PTGS1: variants seen among roughly 807,000 people sequenced by gnomAD.
PTGS1 encodes the protein prostaglandin G/H synthase 1.
A neutral mutation model predicts 63.0 loss-of-function variants in PTGS1; 40 were observed. That is an observed-to-expected ratio of 0.63 (90% CI 0.49 to 0.83). The LOEUF (loss-of-function observed/expected upper bound fraction) is 0.83, where lower values mean the gene tolerates loss of function less well. Among genes scored for constraint, PTGS1 ranks in the 40% least tolerant of loss-of-function variants. The pLI is 0.00. For synonymous variants in PTGS1, 298 were observed against 301.9 expected, an observed-to-expected ratio of 0.99 and a Z score of 0.13; for missense variants, 709 against 786.5, an observed-to-expected ratio of 0.90 and a Z score of 1.18.
rs1026557269 is a variant in PTGS1, at chr9:122,390,220, A to C, written c.1319A>C (p.Asp440Ala). The change falls in exon 10 of 11, where the codon GAC (aspartate) becomes GCC (alanine). Residue 440 changes from aspartate (D) to alanine (A), a missense_variant. Asp to Ala is a moderately radical substitution (Grantham distance 126, BLOSUM62 -2). Coordinates refer to ENST00000362012, the MANE Select transcript of PTGS1 (RefSeq NM_000962.4). The part of the protein sequence containing the change: ...AGRIGGGRNM[D>A]HHILHVAVDV... ...CAGATCGGTGGGGGCAGGAACATGG[A>C]CCACCACATCCTGCATGTGGCTGTG... 6.2e-7 allele frequency: 1 copy of C among 1,613,978 alleles called. No individual in the cohort carries two copies. Among genetic ancestry groups the C allele is most frequent in the African/African-American group, 1.3e-5 (1 of 75,008 alleles).
intron 8 of PTGS1, 112 bp downstream of exon 8, chr9:122,383,867 G>A (rs1452539582): frequency 2.1e-6 from 3 of 1,435,134 alleles, no homozygotes; most frequent in Admixed American, 2.1e-5. Flanking sequence ...TCACCCTTCT[G>A]CTTAGTGGCT....
chr9:122,371,120 A>C (rs373919739), intron 1 of PTGS1, 29 bp downstream of exon 1: 1 of 1,605,274 alleles, frequency 6.2e-7, no homozygotes, highest in Non-Finnish European at 8.5e-7. Flanking sequence ...CCCGGTGGGG[A>C]ATTTTCTTGG....
intron 9 of PTGS1, among the ~76,000 whole-genome samples, chr9:122,388,185 T>G (rs1330796038): frequency 6.6e-6 from 1 of 152,224 alleles, no homozygotes; most frequent in Non-Finnish European, 1.5e-5. Context: ...CGCAGAGATG[T>G]ATGGACTGTC....
chr9:122,373,749 C>G (rs941686283), intron 2 of PTGS1, among the ~76,000 whole-genome samples: 2 of 152,206 alleles, frequency 1.3e-5, no homozygotes, highest in South Asian at 4.1e-4. Flanking sequence ...AGAGGGCTTC[C>G]CCACCAGCAG....
intron 2 of PTGS1, chr9:122,371,942 C>CA: frequency 1.2e-6 from 1 of 858,276 alleles, no homozygotes; most frequent in Admixed American, 2.1e-5. Context: ...CAGAAAGCTG[C>CA]TTCTACCCAC....
intron 2 of PTGS1, among the ~76,000 whole-genome samples, chr9:122,374,873 C>T (rs1188985214): frequency 6.6e-6 from 1 of 152,164 alleles, no homozygotes; most frequent in East Asian, 1.9e-4. Flanking sequence ...GAGATTAAGT[C>T]TTGGCTCCGC....
intron 1 of PTGS1, 29 bp from the exon 2 acceptor site, chr9:122,371,157 G>A: frequency 1.2e-6 from 2 of 1,608,112 alleles, no homozygotes; most frequent in Admixed American, 1.7e-5. Context: ...TGAATGCCAG[G>A]CTCAGCCCCT....
At chr9:122,380,147 G>T (rs1395284147) in intron 5 of PTGS1, among the ~76,000 whole-genome samples, 3 of 152,090 alleles carry the variant, frequency 2.0e-5, no homozygotes, top group African/African-American at 7.2e-5. Context: ...ATCTGATAAG[G>T]GTAGTGGGTG....
chr9:122,383,528 AC>A lies in PTGS1; in HGVS notation c.785del (p.Pro262ArgfsTer4). The A allele has an allele frequency of 6.2e-7, 1 of 1,610,896 alleles. No homozygotes were observed. Among genetic ancestry groups the A allele is most frequent in the Non-Finnish European group, 8.5e-7 (1 of 1,177,460 alleles). ...CCACAGGTGCTGGATGGAGAAATGT[AC>A]CCGCCCTCGGTAGAAGAGGCGCCTG... ...LKYQVLDGEM[Y>X]PPSVEEAPVL... On this transcript the variant is annotated frameshift_variant, in exon 8 of 11. Coordinates refer to ENST00000362012, the MANE Select transcript of PTGS1 (RefSeq NM_000962.4). LOFTEE classifies it high-confidence loss of function.
rs72444571 is a variant in PTGS1, at chr9:122,386,130, T to TAA, written c.1010-302_1010-301dup. On this transcript the variant is annotated intron_variant, in intron 8 of 10. Transcript: ENST00000362012. The stretch of plus-strand genomic sequence containing the variant: ...GATAACATAGTGAGACCCCATCTCT[T>TAA]AAAAAAAAAAAAAAAGAAAGAAAGA... Among the ~76,000 whole-genome samples the TAA allele has an allele frequency of 4.3e-5, 6 of 139,002 alleles. No individual in the cohort carries two copies. The South Asian group carries it at 1.4e-3, about 32-fold the overall frequency. 91.2% of individuals were successfully genotyped at this position (139,002 alleles called of 152,430 possible).
intron 5 of PTGS1, among the ~76,000 whole-genome samples, chr9:122,381,091 A>G (rs1588128251): frequency 6.6e-6 from 1 of 152,340 alleles, no homozygotes; most frequent in East Asian, 1.9e-4. Flanking sequence ...CAGTTTCTTC[A>G]TCTTATTTCA....
At chr9:122,383,195 A>T (rs1837631615) in intron 7 of PTGS1, among the ~76,000 whole-genome samples, 1 of 123,810 alleles carries the variant, frequency 8.1e-6, no homozygotes, top group Non-Finnish European at 1.6e-5. Context: ...TTTTTTTTTA[A>T]GTTTTTTTTT....
intron 3 of PTGS1, 106 bp from the exon 4 acceptor site, chr9:122,378,327 T>C: frequency 6.8e-7 from 1 of 1,474,026 alleles, no homozygotes; most frequent in Non-Finnish European, 9.3e-7. Context: ...CCATAGGTGC[T>C]ACTCTGTTCC....
intron 9 of PTGS1, among the ~76,000 whole-genome samples, chr9:122,389,106 C>T (rs952629665): frequency 2.0e-5 from 3 of 149,796 alleles, no homozygotes; most frequent in African/African-American, 7.3e-5. Flanking sequence ...TAAGCATGAA[C>T]GTTATTATTT....
intron 2 of PTGS1, among the ~76,000 whole-genome samples, chr9:122,376,613 A>G (rs138358073): frequency 6.6e-6 from 1 of 152,128 alleles, no homozygotes; most frequent in Non-Finnish European, 1.5e-5. Flanking sequence ...TGCAATAACC[A>G]GTTGCACAAA....
At position 122,393,578 on chromosome 9, in the gene PTGS1, A is replaced by G. The variant is rs10306191; in HGVS notation, c.*1034A>G. The G allele has an allele frequency of 0.029, 4,400 of 152,324 alleles. 182 individuals are homozygous for G. The highest frequency in any genetic ancestry group is 0.096 in the African/African-American group (3,990 of 41,550). 9.4% of individuals were successfully genotyped at this position (152,324 alleles called of 1,614,324 possible). A position where few individuals can be genotyped will look rare whatever the true frequency, so the allele number is the denominator to read the frequency against. ...CAGTTCCCACCATCTGATTAAAACA[A>G]CTTCCTCCCTTACAGAGCATACAAC... On this transcript the variant is annotated 3_prime_UTR_variant, in exon 11 of 11. Coordinates refer to ENST00000362012, the MANE Select transcript of PTGS1 (RefSeq NM_000962.4).
intron 2 of PTGS1, chr9:122,371,905 G>A (rs922322010): frequency 3.5e-6 from 4 of 1,151,866 alleles, no homozygotes; most frequent in Non-Finnish European, 5.0e-6. Flanking sequence ...GTCTGTCTGC[G>A]TCCACACACT....
At chr9:122,375,394 A>G in intron 2 of PTGS1, 1 of 985,474 alleles carries the variant, frequency 1.0e-6, no homozygotes. Flanking sequence ...TCCACCTCAG[A>G]CAGCTGTTGA....
At chr9:122,379,674 C>T (rs1351824191) in intron 5 of PTGS1, among the ~76,000 whole-genome samples, 1 of 152,216 alleles carries the variant, frequency 6.6e-6, no homozygotes, top group African/African-American at 2.4e-5. Flanking sequence ...CATGACTATT[C>T]TACCAGGATA....
Sources: gnomAD v4.1 joint callset for allele counts (sites outside exome capture counted in the v4.1 genomes callset) on GRCh38, gnomAD v4.1.1 for gene constraint, MANE v1.5 for transcripts, NCBI Gene and HGNC (gene_info 2026-07-23, HGNC 2026-07-21) for gene names.